Variants in FLYWCH2 observed in about 807,000 individuals in gnomAD.
FLYWCH2 encodes the protein FLYWCH family member 2.
FLYWCH2 carries 2 observed loss-of-function variants against 6.0 expected under a neutral mutation model. That is an observed-to-expected ratio of 0.33 (90% confidence interval 0.14 to 1.04). FLYWCH2 has a LOEUF of 1.04. FLYWCH2 is among the 50% of genes least tolerant of loss of function. The probability of loss-of-function intolerance (pLI) is 0.45; values close to 1 mark genes in which losing one functional copy is unlikely to be tolerated. For missense variants in FLYWCH2, 192 were observed against 183.4 expected, an observed-to-expected ratio of 1.05 and a Z score of -0.27; for synonymous variants, 87 against 79.3, an observed-to-expected ratio of 1.10 and a Z score of -0.52.
chr16:2,888,039 C>T (rs368952550), intron 1 of FLYWCH2, among the ~76,000 whole-genome samples: 12 of 151,876 alleles, frequency 7.9e-5, no homozygotes, highest in East Asian at 3.9e-4. Context: ...GGTGGAGTCT[C>T]GCTCTGTTGC....
intron 1 of FLYWCH2, among the ~76,000 whole-genome samples, chr16:2,886,300 C>T (rs1162625269): frequency 6.6e-6 from 1 of 152,074 alleles, no homozygotes; most frequent in Non-Finnish European, 1.5e-5. Context: ...AAGCAATTCT[C>T]ATGCTGCGCA....
chr16:2,896,762 C>T lies in FLYWCH2; in HGVS notation c.313C>T (p.Gln105Ter). The T allele has an allele frequency of 6.2e-7, 1 of 1,609,722 alleles. No homozygotes were observed. Among genetic ancestry groups the T allele is most frequent in the Non-Finnish European group, 8.5e-7 (1 of 1,179,702 alleles). The change falls in exon 3 of 4, where the codon CAG (glutamine) becomes TAG (stop). Residue 105 changes from glutamine to a stop codon, truncating the protein, a stop_gained. Coordinates refer to ENST00000396958, the MANE Select transcript of FLYWCH2 (RefSeq NM_138439.3). LOFTEE classifies it low-confidence loss of function (END_TRUNC). ...PQEPEQKRSR[Q>*]DPGTDRTEDS... is the part of the protein sequence containing the mutation. Reference sequence around the variant, plus strand: ...GGAGCCTGAGCAGAAACGGAGCAGGCAGGACCCAGGTGAGGCTCCACAGCG... The same window carrying T: ...GGAGCCTGAGCAGAAACGGAGCAGGTAGGACCCAGGTGAGGCTCCACAGCG...
intron 3 of FLYWCH2, among the ~76,000 whole-genome samples, chr16:2,897,089 G>T (rs1197543818): frequency 6.6e-6 from 1 of 152,210 alleles, no homozygotes; most frequent in African/African-American, 2.4e-5. Flanking sequence ...CAAGGTCTTG[G>T]CTCGCAGCTG....
At chr16:2,894,795 C>A (rs1027649835) in intron 1 of FLYWCH2, among the ~76,000 whole-genome samples, 2 of 152,148 alleles carry the variant, frequency 1.3e-5, no homozygotes, top group Admixed American at 6.5e-5. Flanking sequence ...GGCCCCCAAC[C>A]CTGTACTCCA....
chr16:2,895,139 C>G (rs147822700), intron 1 of FLYWCH2, 81 bp from the exon 2 acceptor site: 1 of 152,168 alleles, frequency 6.6e-6, no homozygotes, highest in African/African-American at 2.4e-5. Flanking sequence ...GAGCCCCAGT[C>G]CTGAGGTGCT....
intron 1 of FLYWCH2, among the ~76,000 whole-genome samples, chr16:2,885,040 C>A (rs1056076758): frequency 1.1e-4 from 16 of 148,722 alleles, no homozygotes; most frequent in Admixed American, 2.7e-4. Context: ...GTGTACATTT[C>A]GGCCGGGCGC....
At position 2,895,324 on chromosome 16, in the gene FLYWCH2, G is replaced by A. The variant is rs965996052; in HGVS notation, c.-99+4G>A. On this transcript the variant is annotated splice_donor_region_variant and intron_variant, in intron 2 of 3. Coordinates refer to ENST00000396958, the MANE Select transcript of FLYWCH2 (RefSeq NM_138439.3). Reference sequence around the variant, plus strand: ...CCAGCACTAGCTCAGACGCAAGGTTGGTGTGAGAACCAGTGGGTGTGGCCA... The same window carrying A: ...CCAGCACTAGCTCAGACGCAAGGTTAGTGTGAGAACCAGTGGGTGTGGCCA... 6.6e-6 allele frequency: 1 copy of A among 152,344 alleles called. No homozygotes were observed. Among genetic ancestry groups the A allele is most frequent in the Non-Finnish European group, 1.5e-5 (1 of 68,154 alleles). 9.4% of individuals were successfully genotyped at this position (152,344 alleles called of 1,614,324 possible). A position where few individuals can be genotyped will look rare whatever the true frequency, so the allele number is the denominator to read the frequency against.
At chr16:2,897,946 C>G (rs994667968) in intron 3 of FLYWCH2, among the ~76,000 whole-genome samples, 2 of 152,188 alleles carry the variant, frequency 1.3e-5, no homozygotes, top group African/African-American at 4.8e-5. Context: ...GTGGCCTTGG[C>G]TTGTGACCTC....
intron 1 of FLYWCH2, among the ~76,000 whole-genome samples, chr16:2,885,908 C>A (rs111536075): frequency 1.3e-5 from 2 of 152,192 alleles, no homozygotes; most frequent in Non-Finnish European, 2.9e-5. Flanking sequence ...AACTGCCAGG[C>A]TGGTTTCCAA....
In FLYWCH2 at chr16:2,899,165, C is replaced by G. The variant is rs373608135; in HGVS notation, c.*16C>G. ...GTCCCTGTAACCTTGACAACAGGCG[C>G]ATCCTCCCAGGCCACCAACCCAGCC... On this transcript the variant is annotated 3_prime_UTR_variant, in exon 4 of 4. Coordinates refer to ENST00000396958, the MANE Select transcript of FLYWCH2 (RefSeq NM_138439.3). 5.0e-6 allele frequency: 8 copies of G among 1,602,308 alleles called. 1 individual carries two copies. In the African/African-American group the frequency reaches 5.4e-5, roughly 11 times the overall value.
intron 1 of FLYWCH2, among the ~76,000 whole-genome samples, chr16:2,893,085 A>C (rs2069778372): frequency 6.6e-6 from 1 of 150,674 alleles, no homozygotes; most frequent in African/African-American, 2.4e-5. Flanking sequence ...TTCCCACCCC[A>C]CTCCCAACTC....
Position 2,896,731 on chromosome 16 carries a change from C to T in FLYWCH2, c.282C>T (p.Ala94=). ...AGGCCCAGCGGGCCATTGAGGCAGC[C>T]CCTCAGGAGCCTGAGCAGAAACGGA... is the stretch of plus-strand genomic sequence containing the variant. ...HPEAQRAIEA[A]PQEPEQKRSR... Residue 94 remains alanine, a synonymous_variant, in exon 3 of 4, where the codon GCC becomes GCT. Transcript: ENST00000396958. 6.2e-7 allele frequency: 1 copy of T among 1,611,968 alleles called. No homozygotes were observed. Among genetic ancestry groups the T allele is most frequent in the Non-Finnish European group, 8.5e-7 (1 of 1,179,880 alleles).
chr16:2,895,113 A>G (rs931376139), intron 1 of FLYWCH2, 107 bp from the exon 2 acceptor site: 2 of 150,706 alleles, frequency 1.3e-5, no homozygotes, highest in African/African-American at 4.9e-5. Flanking sequence ...CAGAAAGGCC[A>G]CCCCACACTG....
At chr16:2,896,945 G>A (rs2069830116) in intron 3 of FLYWCH2, 174 bp downstream of exon 3, 4 of 660,584 alleles carry the variant, frequency 6.1e-6, no homozygotes, top group Non-Finnish European at 7.6e-6. Flanking sequence ...GGCATCCGCC[G>A]ACCTCCAACC....
chr16:2,887,267 TC>T (rs1427689877), intron 1 of FLYWCH2, among the ~76,000 whole-genome samples: 2 of 150,726 alleles, frequency 1.3e-5, no homozygotes, highest in African/African-American at 4.9e-5. Flanking sequence ...CACCTCAGCT[TC>T]CCAAGTAGCT....
chr16:2,890,755 C>G (rs113563198), intron 1 of FLYWCH2, among the ~76,000 whole-genome samples: 20,194 of 152,002 alleles, frequency 0.13, 1,577 homozygotes, highest in Middle Eastern at 0.18. Context: ...TTACTGGAGA[C>G]GGAGTTTAGC....
intron 1 of FLYWCH2, among the ~76,000 whole-genome samples, chr16:2,892,848 A>G (rs1947202194): frequency 6.8e-6 from 1 of 147,136 alleles, no homozygotes. Flanking sequence ...GTCTCAAAAA[A>G]TAACTAAAAT....
chr16:2,892,701 G>A (rs190885590), intron 1 of FLYWCH2, among the ~76,000 whole-genome samples: 1 of 151,304 alleles, frequency 6.6e-6, no homozygotes, highest in Admixed American at 6.6e-5. Context: ...AAAATTAGGA[G>A]AGCATGGTGG....
chr16:2,884,886 C>CA (rs151316276), intron 1 of FLYWCH2, among the ~76,000 whole-genome samples: 32,139 of 146,790 alleles, frequency 0.22, 4,129 homozygotes, highest in Non-Finnish European at 0.28. Context: ...AAAACAAAAA[C>CA]AAAAAAAAAA....
Sources: allele counts gnomAD v4.1 joint callset (sites outside exome capture counted in the v4.1 genomes callset), GRCh38; gene constraint gnomAD v4.1.1; transcripts MANE v1.5; gene names NCBI Gene and HGNC (gene_info 2026-07-23, HGNC 2026-07-21).